The following PATJ variants were observed in gnomAD, a reference collection of about 807,000 sequenced individuals.
PATJ encodes the protein PATJ crumbs cell polarity complex component, also known as inaD-like protein.
PATJ carries 190 observed loss-of-function variants against 224.9 expected under a neutral mutation model. The ratio of observed to expected loss-of-function variants is 0.84; its 90% CI spans 0.75 to 0.95. PATJ has a LOEUF of 0.95. Among genes scored for constraint, PATJ ranks in the 40% least tolerant of loss-of-function variants. The probability of loss-of-function intolerance (pLI) is 0.00; values close to 1 mark genes in which losing one functional copy is unlikely to be tolerated. For missense variants in PATJ, 2,121 were observed against 2,270.3 expected (o/e 0.93, Z 1.34); for synonymous variants, 769 against 820.3 (o/e 0.94, Z 1.07).
chr1:62,062,713 T>C (rs554232513), intron 31 of PATJ, among the ~76,000 whole-genome samples: 22 of 152,074 alleles, frequency 1.4e-4, no homozygotes, highest in Admixed American at 1.2e-3. Context: ...TCCAGGTTGA[T>C]GTAGAACTCC....
intron 33 of PATJ, among the ~76,000 whole-genome samples, chr1:62,085,434 C>G (rs977341554): frequency 1.3e-5 from 2 of 151,744 alleles, no homozygotes; most frequent in African/African-American, 4.8e-5. Flanking sequence ...CTTATTAGAC[C>G]AACAGTATCA....
chr1:61,856,582 G>A (rs1663700756), intron 18 of PATJ, among the ~76,000 whole-genome samples: 1 of 152,022 alleles, frequency 6.6e-6, no homozygotes, highest in South Asian at 2.1e-4. Flanking sequence ...TTTCTTATGT[G>A]TAAATTATTA....
chr1:61,827,740 T>C (rs1311604204), intron 16 of PATJ, among the ~76,000 whole-genome samples, 157 bp downstream of exon 16: 1 of 152,226 alleles, frequency 6.6e-6, no homozygotes, highest in Non-Finnish European at 1.5e-5. Flanking sequence ...ATTGTTACTC[T>C]TCATTTAACA....
At chr1:62,001,648 G>A (rs1031216256) in intron 28 of PATJ, among the ~76,000 whole-genome samples, 2 of 151,846 alleles carry the variant, frequency 1.3e-5, no homozygotes, top group Non-Finnish European at 2.9e-5. Flanking sequence ...TTCGGCTTAG[G>A]ATTGACTTGG....
At chr1:61,885,197 G>A (rs1571109359) in intron 22 of PATJ, among the ~76,000 whole-genome samples, 1 of 152,056 alleles carries the variant, frequency 6.6e-6, no homozygotes, top group Non-Finnish European at 1.5e-5. Context: ...TTAAACTAAA[G>A]AGCTTCTGCA....
rs1271880430 is a variant in PATJ at position 62,094,413 on chromosome 1, T to C, written c.4377+9765T>C. Among the ~76,000 whole-genome samples, 4 of 152,194 alleles carry C rather than the reference T, an allele frequency of 2.6e-5. No individual in the cohort carries two copies. In the East Asian group the frequency reaches 7.7e-4, roughly 29 times the overall value. On this transcript the variant is annotated intron_variant, in intron 33 of 43. Transcript: ENST00000642238. ...TGTTTCTCTTTTTTTTATTTTTATA[T>C]TTTAAAATAATGATATAGATAGGGT... is the stretch of plus-strand genomic sequence containing the variant.
At chr1:61,826,663 TA>T (rs536599808) in intron 15 of PATJ, among the ~76,000 whole-genome samples, 133 of 152,346 alleles carry the variant, frequency 8.7e-4, no homozygotes, top group African/African-American at 3.0e-3. Flanking sequence ...GAAATTTAGA[TA>T]ATTTTTTGGT....
At chr1:61,796,760 CCTTT>C (rs1441707613) in intron 10 of PATJ, among the ~76,000 whole-genome samples, 20 of 130,816 alleles carry the variant, frequency 1.5e-4, no homozygotes, top group African/African-American at 4.8e-4. Flanking sequence ...TTCCTTTCTT[CCTTT>C]CTATTTTCTT....
At chr1:62,106,693 A>G (rs1312335902) in intron 33 of PATJ, among the ~76,000 whole-genome samples, 1 of 152,056 alleles carries the variant, frequency 6.6e-6, no homozygotes, top group Non-Finnish European at 1.5e-5. Flanking sequence ...CCAACCAAAC[A>G]CCCAGACATT....
At chr1:61,828,824 A>G (rs1272545589) in intron 16 of PATJ, among the ~76,000 whole-genome samples, 1 of 151,940 alleles carries the variant, frequency 6.6e-6, no homozygotes, top group African/African-American at 2.4e-5. Context: ...GGGGCCTTTT[A>G]CTTAAGTTCT....
intron 1 of PATJ, among the ~76,000 whole-genome samples, chr1:61,747,844 T>A (rs1218250966): frequency 6.6e-6 from 1 of 152,254 alleles, no homozygotes; most frequent in East Asian, 1.9e-4. Flanking sequence ...AGGATTGAAA[T>A]GTGCTGTAAA....
At chr1:62,038,275 T>C (rs1418040669) in intron 30 of PATJ, among the ~76,000 whole-genome samples, 2 of 152,328 alleles carry the variant, frequency 1.3e-5, no homozygotes, top group African/African-American at 4.8e-5. Context: ...GCTCAAGGTC[T>C]CCTCTAAATA....
chr1:61,951,281 T>C (rs1679632288), intron 27 of PATJ, among the ~76,000 whole-genome samples: 1 of 152,228 alleles, frequency 6.6e-6, no homozygotes, highest in South Asian at 2.1e-4. Context: ...TTTTTTATTC[T>C]GAAAACTCAG....
chr1:61,987,572 T>C (rs1241633615), intron 27 of PATJ, among the ~76,000 whole-genome samples: 1 of 152,168 alleles, frequency 6.6e-6, no homozygotes, highest in Non-Finnish European at 1.5e-5. Flanking sequence ...GAAAAGGTCT[T>C]AAATGGAGCC....
Position 61,777,746 on chromosome 1 carries a change from T to C in PATJ, c.849+2412T>C, listed in dbSNP as rs936409807. Among the ~76,000 whole-genome samples the C allele has an allele frequency of 2.5e-4, 36 of 143,888 alleles. 1 individual carries two copies. The highest frequency in any genetic ancestry group is 7.5e-5 in the Non-Finnish European group (5 of 66,594). 94.4% of individuals were successfully genotyped at this position (143,888 alleles called of 152,430 possible). A position where few individuals can be genotyped will look rare whatever the true frequency, so the allele number is the denominator to read the frequency against. The stretch of plus-strand genomic sequence containing the variant: ...TTTTTTTAGCATAGTCTTGCTCTTT[T>C]GCCTAGGCTAGAGTGCAGTGGCGTG... On this transcript the variant is annotated intron_variant, in intron 7 of 43. Transcript: ENST00000642238.
At chr1:61,791,657 A>T (rs535272741) in intron 9 of PATJ, among the ~76,000 whole-genome samples, 16 of 152,320 alleles carry the variant, frequency 1.1e-4, no homozygotes, top group Admixed American at 5.2e-4. Context: ...TAACAAAAGA[A>T]TATAATTGGC....
At chr1:61,978,322 A>G (rs1287119066) in intron 27 of PATJ, among the ~76,000 whole-genome samples, 4 of 147,844 alleles carry the variant, frequency 2.7e-5, no homozygotes, top group African/African-American at 7.5e-5. Context: ...CTGGAGTGCA[A>G]TGGTGCGATC....
chr1:61,882,835 G>A (rs1478335841), intron 21 of PATJ, among the ~76,000 whole-genome samples: 1 of 152,162 alleles, frequency 6.6e-6, no homozygotes, highest in Non-Finnish European at 1.5e-5. Context: ...CAGAGTGCTG[G>A]ATCTACAGGC....
chr1:61,857,330 A>C (rs758413258), intron 18 of PATJ, among the ~76,000 whole-genome samples: 3 of 152,340 alleles, frequency 2.0e-5, no homozygotes, highest in Non-Finnish European at 4.4e-5. Context: ...CAGCAACTTT[A>C]AGAATAGTCC....
Sources: gnomAD v4.1 joint callset for allele counts (sites outside exome capture counted in the v4.1 genomes callset) on GRCh38, gnomAD v4.1.1 for gene constraint, MANE v1.5 for transcripts, NCBI Gene and HGNC (gene_info 2026-07-23, HGNC 2026-07-21) for gene names.